PRKG1: variants seen among roughly 807,000 people sequenced by gnomAD.
The protein encoded by PRKG1 is cGMP-dependent protein kinase 1.
A neutral mutation model predicts 88.1 loss-of-function variants in PRKG1; 35 were observed. The observed-to-expected ratio is 0.40, with a 90% confidence interval of 0.30 to 0.53. PRKG1 has a LOEUF of 0.53. PRKG1 is among the 20% of genes least tolerant of loss of function. The pLI, the probability that PRKG1 is intolerant of heterozygous loss-of-function variation, is 0.59. For missense variants in PRKG1, 540 were observed against 839.8 expected (o/e 0.64, Z 4.41); for synonymous variants, 303 against 292.5 (o/e 1.04, Z -0.37).
At chr10:51,310,688 A>C (rs566753591) in intron 2 of PRKG1, among the ~76,000 whole-genome samples, 38 of 152,176 alleles carry the variant, frequency 2.5e-4, no homozygotes, top group Admixed American at 3.9e-4. Flanking sequence ...TTCTCATGCC[A>C]GTCACTTAGA....
intron 3 of PRKG1, among the ~76,000 whole-genome samples, chr10:51,562,907 T>C (rs1480234310): frequency 6.6e-6 from 1 of 151,952 alleles, no homozygotes; most frequent in Non-Finnish European, 1.5e-5. Context: ...TAGCTGAGAC[T>C]ACAGGTGCAT....
chr10:51,608,615 C>G (rs183482837), intron 3 of PRKG1, among the ~76,000 whole-genome samples: 1 of 152,218 alleles, frequency 6.6e-6, no homozygotes. Flanking sequence ...TCTATAGGAA[C>G]AGTAGGGATG....
chr10:51,943,514 G>A (rs1842956351), intron 5 of PRKG1, among the ~76,000 whole-genome samples: 1 of 152,018 alleles, frequency 6.6e-6, no homozygotes, highest in African/African-American at 2.4e-5. Context: ...GTGAGAGAGG[G>A]CATCCCTGTC....
At chr10:51,252,914 G>A (rs1238032263) in intron 2 of PRKG1, among the ~76,000 whole-genome samples, 1 of 151,648 alleles carries the variant, frequency 6.6e-6, no homozygotes, top group Non-Finnish European at 1.5e-5. Flanking sequence ...ACAGAGGAGG[G>A]GAATGATTTT....
At chr10:51,085,947 A>T (rs1333016068) in intron 1 of PRKG1, among the ~76,000 whole-genome samples, 1 of 152,222 alleles carries the variant, frequency 6.6e-6, no homozygotes, top group Admixed American at 6.5e-5. Flanking sequence ...TCTCTTCTTC[A>T]AAATTTTACT....
intron 5 of PRKG1, among the ~76,000 whole-genome samples, chr10:51,958,147 A>G (rs139013882): frequency 0.013 from 1,983 of 152,304 alleles, 31 homozygotes; most frequent in African/African-American, 0.043. Flanking sequence ...GAAAATGTAC[A>G]CTTATTGTGA....
At chr10:51,475,387 G>C (rs568234599) in intron 3 of PRKG1, among the ~76,000 whole-genome samples, 2 of 152,058 alleles carry the variant, frequency 1.3e-5, no homozygotes, top group African/African-American at 4.8e-5. Flanking sequence ...ACAGCTATCC[G>C]TGTGTAACAA....
At chr10:51,073,117 G>A (rs986445899), upstream of PRKG1, among the ~76,000 whole-genome samples, 1 of 152,176 alleles carries the variant, frequency 6.6e-6, no homozygotes, top group African/African-American at 2.4e-5. Flanking sequence ...ATTTAGGTAC[G>A]TATTAGGCAG....
At chr10:51,851,145 A>G (rs533586364) in intron 4 of PRKG1, among the ~76,000 whole-genome samples, 1 of 152,330 alleles carries the variant, frequency 6.6e-6, no homozygotes, top group East Asian at 1.9e-4. Context: ...AGGAAAAGGT[A>G]GCAAAAGGTA....
At chr10:51,750,701 A>G (rs4568954) in intron 3 of PRKG1, among the ~76,000 whole-genome samples, 70,167 of 151,966 alleles carry the variant, frequency 0.46, 16,905 homozygotes, top group Middle Eastern at 0.61. Flanking sequence ...ACTGAATGGC[A>G]CTTCTAAGGG....
At chr10:51,048,572 C>T (rs1696762015) in intron 1 of PRKG1, among the ~76,000 whole-genome samples, 2 of 152,132 alleles carry the variant, frequency 1.3e-5, no homozygotes, top group Admixed American at 1.3e-4. Context: ...ACCCACTTCC[C>T]AAATGGTATT....
intron 3 of PRKG1, among the ~76,000 whole-genome samples, chr10:51,524,556 A>G (rs538025639): frequency 6.6e-6 from 1 of 152,292 alleles, no homozygotes; most frequent in African/African-American, 2.4e-5. Context: ...TCAGCCATCT[A>G]ATACATGTAC....
At chr10:51,659,095 C>T (rs111373515) in intron 3 of PRKG1, among the ~76,000 whole-genome samples, 34 of 152,174 alleles carry the variant, frequency 2.2e-4, no homozygotes, top group African/African-American at 7.9e-4. Context: ...ATGTTTTCTT[C>T]TAATCAAAGT....
In PRKG1 at chr10:51,385,613, ACTC is replaced by A. The variant is rs781327209; in HGVS notation, c.479-82107_479-82105del. Among the ~76,000 whole-genome samples, 95 of 152,062 alleles carry A rather than the reference ACTC, an allele frequency of 6.2e-4. 2 individuals carry two copies. The highest frequency in any genetic ancestry group is 1.2e-3 in the Admixed American group (19 of 15,262). On this transcript the variant is annotated intron_variant, in intron 2 of 17. Transcript: ENST00000373980. Reference sequence around the variant, plus strand: ...TCTTCAGAATCAGACCCTGTGATGGACTCCTACATTGGCCTTGGTTTTCTGAAT... The same window carrying A: ...TCTTCAGAATCAGACCCTGTGATGGACTACATTGGCCTTGGTTTTCTGAAT...
chr10:51,368,285 A>G (rs572896816), intron 2 of PRKG1, among the ~76,000 whole-genome samples: 2 of 152,146 alleles, frequency 1.3e-5, no homozygotes, highest in Non-Finnish European at 2.9e-5. Context: ...GAAACATATT[A>G]CACTTTTTTT....
intron 2 of PRKG1, among the ~76,000 whole-genome samples, chr10:51,155,555 T>A (rs2131979291): frequency 6.6e-6 from 1 of 152,094 alleles, no homozygotes; most frequent in Middle Eastern, 3.4e-3. Flanking sequence ...GAGCTCAAAC[T>A]GTTAACTATG....
intron 1 of PRKG1, among the ~76,000 whole-genome samples, chr10:51,065,124 T>G (rs1390818157): frequency 1.3e-5 from 2 of 152,072 alleles, no homozygotes; most frequent in African/African-American, 4.8e-5. Context: ...ATGAATAGTT[T>G]TCTACAAGAT....
intron 2 of PRKG1, chr10:51,306,560 C>G (rs774945954): frequency 1.3e-5 from 2 of 152,128 alleles, no homozygotes; most frequent in Non-Finnish European, 2.9e-5. Context: ...TCGGCTTTCT[C>G]TCTCTCAGGA....
chr10:51,478,633 T>C (rs950566137), intron 3 of PRKG1, among the ~76,000 whole-genome samples: 14 of 151,360 alleles, frequency 9.2e-5, no homozygotes, highest in Non-Finnish European at 1.5e-4. Flanking sequence ...TTATTGTCGT[T>C]TAATACTGTG....
Sources: allele counts gnomAD v4.1 joint callset (sites outside exome capture counted in the v4.1 genomes callset), GRCh38; gene constraint gnomAD v4.1.1; transcripts MANE v1.5; gene names NCBI Gene and HGNC (gene_info 2026-07-23, HGNC 2026-07-21).